APBA2: variants seen among roughly 807,000 people sequenced by gnomAD.
APBA2 encodes amyloid-beta A4 precursor protein-binding family A member 2.
A neutral mutation model predicts 75.0 loss-of-function variants in APBA2; 30 were observed. The ratio of observed to expected loss-of-function variants is 0.40; its 90% CI spans 0.30 to 0.54. The LOEUF (loss-of-function observed/expected upper bound fraction) is 0.54, where lower values mean the gene tolerates loss of function less well. Ranked by LOEUF, APBA2 falls within the 20% of genes least tolerant of loss-of-function variation. The probability of loss-of-function intolerance (pLI) is 0.49; values close to 1 mark genes in which losing one functional copy is unlikely to be tolerated. For synonymous variants in APBA2, 444 were observed against 409.6 expected (o/e 1.08, Z -1.01); for missense variants, 801 against 1,016.1 (o/e 0.79, Z 2.88).
chr15:29,113,917 C>T lies in APBA2; in HGVS notation c.2079C>T (p.Gly693=), dbSNP rs368663042. The T allele has an allele frequency of 3.7e-6, 6 of 1,612,988 alleles. No homozygotes were observed. Among genetic ancestry groups the T allele is most frequent in the East Asian group, 2.2e-5 (1 of 44,862 alleles). The change falls in exon 14 of 15, where the codon GGC becomes GGT. Residue 693 remains glycine (G), a synonymous_variant. Transcript: ENST00000683413. Reference sequence around the variant, plus strand: ...GAGGGGGCATTGCTGAGCGAGGGGGCGTCCGTGTGGGCCACCGCATCATCG... The same window carrying T: ...GAGGGGGCATTGCTGAGCGAGGGGGTGTCCGTGTGGGCCACCGCATCATCG... ...LMRGGIAERG[G]VRVGHRIIEI...
intron 1 of APBA2, among the ~76,000 whole-genome samples, chr15:28,913,486 G>T (rs920784964): frequency 5.3e-5 from 8 of 152,156 alleles, no homozygotes; most frequent in Non-Finnish European, 8.8e-5. Context: ...TCTGGGCCCA[G>T]GTTTGCAAGC....
intron 6 of APBA2, among the ~76,000 whole-genome samples, chr15:29,085,614 T>G (rs561551748): frequency 1.3e-5 from 2 of 151,854 alleles, no homozygotes; most frequent in Non-Finnish European, 2.9e-5. Flanking sequence ...GTTAGCACAG[T>G]TGATGTGTTT....
intron 14 of APBA2, 152 bp downstream of exon 14, chr15:29,114,168 G>A: frequency 8.0e-7 from 1 of 1,247,726 alleles, no homozygotes; most frequent in Non-Finnish European, 1.1e-6. Flanking sequence ...AGGGTGAATG[G>A]AGCGGCAGGT....
rs141259369 is a variant in APBA2, at chr15:28,896,920, C to G, written c.-205+10642C>G. Reference sequence around the variant, plus strand: ...AGTCCCTGACAGTGGTCCCCAAACTCTCAATCATGTTCCTTATTGGAACCT... The same window carrying G: ...AGTCCCTGACAGTGGTCCCCAAACTGTCAATCATGTTCCTTATTGGAACCT... On this transcript the variant is annotated intron_variant, in intron 1 of 14. Transcript: ENST00000683413. 6.1e-3 allele frequency among the ~76,000 whole-genome samples: 925 copies of G among 152,284 alleles called. 9 individuals carry two copies. Among genetic ancestry groups the G allele is most frequent in the African/African-American group, 0.021 (878 of 41,548 alleles).
At chr15:29,000,748 A>G (rs998811188) in intron 3 of APBA2, among the ~76,000 whole-genome samples, 8 of 151,894 alleles carry the variant, frequency 5.3e-5, no homozygotes, top group Admixed American at 3.9e-4. Context: ...GTGCCACCAC[A>G]CCCAGCTTAT....
At chr15:28,911,539 C>T (rs1250891023) in intron 1 of APBA2, among the ~76,000 whole-genome samples, 3 of 152,186 alleles carry the variant, frequency 2.0e-5, no homozygotes, top group Non-Finnish European at 4.4e-5. Flanking sequence ...TTTTGTCCCC[C>T]AATCTCATTT....
chr15:28,978,841 T>C (rs2037474914), intron 2 of APBA2, among the ~76,000 whole-genome samples: 1 of 151,892 alleles, frequency 6.6e-6, no homozygotes, highest in African/African-American at 2.4e-5. Flanking sequence ...ACACCAGGAG[T>C]TGGATTGTAT....
intron 2 of APBA2, among the ~76,000 whole-genome samples, chr15:28,944,625 C>T (rs942544781): frequency 1.3e-5 from 2 of 152,238 alleles, no homozygotes; most frequent in Non-Finnish European, 2.9e-5. Context: ...CTTTTATAAC[C>T]TGGTGTGCTG....
At chr15:29,085,888 T>C (rs149623169) in intron 6 of APBA2, among the ~76,000 whole-genome samples, 237 of 152,066 alleles carry the variant, frequency 1.6e-3, no homozygotes, top group African/African-American at 5.5e-3. Context: ...TTGGTGAGAG[T>C]GTATATGTCT....
chr15:28,964,815 T>G (rs1306419283), intron 2 of APBA2, among the ~76,000 whole-genome samples: 2 of 152,142 alleles, frequency 1.3e-5, no homozygotes. Flanking sequence ...TAATTAGATT[T>G]TTTTTTTAAT....
At chr15:29,035,945 GC>G (rs141147313) in intron 3 of APBA2, among the ~76,000 whole-genome samples, 2 of 152,122 alleles carry the variant, frequency 1.3e-5, no homozygotes, top group East Asian at 1.9e-4. Flanking sequence ...ACCCCGGAGC[GC>G]CCCCCTACCT....
intron 2 of APBA2, among the ~76,000 whole-genome samples, chr15:28,963,347 G>A (rs745458834): frequency 2.0e-5 from 3 of 152,196 alleles, no homozygotes; most frequent in Non-Finnish European, 4.4e-5. Flanking sequence ...GGGCATTGTT[G>A]AAGATCCTCA....
In APBA2 at chr15:29,080,041, G is replaced by A. The variant is rs187288758; in HGVS notation, c.1069+3950G>A. On this transcript the variant is annotated intron_variant, in intron 6 of 14. Coordinates refer to ENST00000683413, the MANE Select transcript of APBA2 (RefSeq NM_001353788.2). ...GTCCCATGGCTGTGCGGGGGACAGA[G>A]CCTGGACTTGGACCCATGTCTTGGT... Among the ~76,000 whole-genome samples, 9 of 152,258 alleles carry A rather than the reference G, an allele frequency of 5.9e-5. No individual in the cohort carries two copies. The East Asian group carries it at 1.5e-3, about 26-fold the overall frequency.
chr15:28,922,167 G>T (rs372548915), intron 2 of APBA2, among the ~76,000 whole-genome samples: 1 of 152,168 alleles, frequency 6.6e-6, no homozygotes, highest in Non-Finnish European at 1.5e-5. Context: ...TAGGCTGGGG[G>T]CATCCCGGTG....
chr15:29,011,420 A>C (rs1160795886), intron 3 of APBA2, among the ~76,000 whole-genome samples: 9 of 152,082 alleles, frequency 5.9e-5, no homozygotes, highest in African/African-American at 2.2e-4. Context: ...TTGATTTCCA[A>C]ATGCCTCCAT....
At chr15:29,094,888 C>T (rs148492254) in intron 8 of APBA2, among the ~76,000 whole-genome samples, 3 of 118,352 alleles carry the variant, frequency 2.5e-5, no homozygotes, top group African/African-American at 5.3e-5. Flanking sequence ...AATGAGAACC[C>T]TGTCTCCACA....
At chr15:29,051,026 A>G (rs1346214908) in intron 3 of APBA2, among the ~76,000 whole-genome samples, 1 of 152,328 alleles carries the variant, frequency 6.6e-6, no homozygotes, top group East Asian at 1.9e-4. Flanking sequence ...CATTCAGCAC[A>G]TGCTTCTGAG....
intron 2 of APBA2, among the ~76,000 whole-genome samples, chr15:28,986,303 T>C (rs780967109): frequency 1.3e-5 from 2 of 152,062 alleles, no homozygotes; most frequent in Non-Finnish European, 2.9e-5. Context: ...GACTCACTAG[T>C]TGGTTAATGT....
At position 29,041,029 on chromosome 15, in the gene APBA2, G is replaced by GA. The variant is rs990007068; in HGVS notation, c.-40-12806dup. On this transcript the variant is annotated intron_variant, in intron 3 of 14. Coordinates refer to ENST00000683413, the MANE Select transcript of APBA2 (RefSeq NM_001353788.2). ...ATAGAAATTCGCAGCAGGGCAATAT[G>GA]AAAAAAAAAAGAAAAAAATAGGAAT... Among the ~76,000 whole-genome samples the GA allele has an allele frequency of 1.0e-3, 137 of 134,676 alleles. 1 individual carries two copies. The highest frequency in any genetic ancestry group is 5.5e-3 in the Admixed American group (74 of 13,420). The allele number at this position is 134,676 out of a possible 152,430, so 88.4% of individuals were successfully genotyped here.
Sources: gnomAD v4.1 joint callset for allele counts (sites outside exome capture counted in the v4.1 genomes callset) on GRCh38, gnomAD v4.1.1 for gene constraint, MANE v1.5 for transcripts, NCBI Gene and HGNC (gene_info 2026-07-23, HGNC 2026-07-21) for gene names.